Variants in COQ2 observed in about 807,000 individuals in gnomAD.
The protein encoded by COQ2 is 4-hydroxybenzoate polyprenyltransferase, mitochondrial.
A neutral mutation model predicts 35.7 loss-of-function variants in COQ2; 25 were observed. That is an observed-to-expected ratio of 0.70 (90% CI 0.51 to 0.98). The LOEUF is 0.98. COQ2 is among the 50% of genes least tolerant of loss of function. The pLI, the probability that COQ2 is intolerant of heterozygous loss-of-function variation, is 0.00. For synonymous variants in COQ2, 206 were observed against 186.2 expected, an observed-to-expected ratio of 1.11 and a Z score of -0.86; for missense variants, 488 against 473.5, an observed-to-expected ratio of 1.03 and a Z score of -0.28.
chr4:83,272,012 C>T, intron 4 of COQ2, 75 bp downstream of exon 4: 1 of 918,130 alleles, frequency 1.1e-6, no homozygotes, highest in Non-Finnish European at 1.7e-6. Flanking sequence ...TTCATCTTTA[C>T]CTATTTACCT....
intron 6 of COQ2, among the ~76,000 whole-genome samples, chr4:83,264,855 CT>C (rs1734873819): frequency 6.6e-6 from 1 of 152,206 alleles, no homozygotes. Context: ...GTTTTAGCGT[CT>C]GCAGCAAAGT....
At chr4:83,273,293 A>AT (rs921672093) in intron 3 of COQ2, among the ~76,000 whole-genome samples, 7 of 152,260 alleles carry the variant, frequency 4.6e-5, no homozygotes, top group Admixed American at 6.5e-5. Context: ...AACAAATTAA[A>AT]TGTTCATTTC....
chr4:83,282,561 G>T, intron 1 of COQ2: 1 of 922,870 alleles, frequency 1.1e-6, no homozygotes, highest in Non-Finnish European at 1.3e-6. Flanking sequence ...ATGCAGGCTG[G>T]TATCTTCCAA....
chr4:83,278,800 C>T, intron 2 of COQ2, 148 bp downstream of exon 2: 4 of 881,550 alleles, frequency 4.5e-6, no homozygotes, highest in Non-Finnish European at 6.4e-6. Context: ...GCAATACCAG[C>T]TATTCAACTG....
chr4:83,268,264 T>A (rs573217252), intron 5 of COQ2, among the ~76,000 whole-genome samples: 1 of 152,336 alleles, frequency 6.6e-6, no homozygotes, highest in South Asian at 2.1e-4. Flanking sequence ...CATCCACTCA[T>A]TTCCCACTTC....
chr4:83,273,980 C>CA (rs967781699), intron 2 of COQ2, among the ~76,000 whole-genome samples: 9,461 of 29,026 alleles, frequency 0.33, 1,492 homozygotes, highest in Non-Finnish European at 0.45. Context: ...GCTGTCTCTA[C>CA]AAAAAAAAAA....
chr4:83,274,797 G>A (rs1194844020), intron 2 of COQ2, among the ~76,000 whole-genome samples: 1 of 152,056 alleles, frequency 6.6e-6, no homozygotes, highest in African/African-American at 2.4e-5. Flanking sequence ...GTTTTTCCAA[G>A]ACTCATGAAA....
rs774470336 is a variant in COQ2 at position 83,273,585 on chromosome 4, A to G, written c.453T>C (p.Ala151=). 2.4e-5 allele frequency: 39 copies of G among 1,613,686 alleles called. No individual in the cohort carries two copies. Among genetic ancestry groups the G allele is most frequent in the Non-Finnish European group, 3.1e-5 (37 of 1,179,796 alleles). Residue 151 remains alanine (A), a synonymous_variant, in exon 3 of 7, where the codon GCT becomes GCC. Coordinates refer to ENST00000647002, the MANE Select transcript of COQ2 (RefSeq NM_001358921.2). ...VTRTANRPIA[A]GDISTFQSFV... ...AGGACTGAAAAGTTGAAATGTCTCC[A>G]GCGGCTATTGGACGATTGGCTGTTC...
chr4:83,283,925 C>T, intron 1 of COQ2: 1 of 985,404 alleles, frequency 1.0e-6, no homozygotes, highest in Non-Finnish European at 1.2e-6. Flanking sequence ...AAGCGCTGTC[C>T]CTGCTGCGTT....
intron 6 of COQ2, 53 bp downstream of exon 6, chr4:83,267,533 T>G: frequency 6.8e-7 from 1 of 1,469,442 alleles, no homozygotes; most frequent in Non-Finnish European, 9.1e-7. Flanking sequence ...TTTAAATAAT[T>G]TTTATAATTT....
upstream of COQ2, chr4:83,284,804 T>G (rs1735430855): frequency 2.5e-6 from 4 of 1,569,820 alleles, no homozygotes; most frequent in African/African-American, 5.4e-5. Flanking sequence ...TTGACGTCAT[T>G]CCCCGGCAGG....
At chr4:83,283,750 A>G (rs1405991032) in intron 1 of COQ2, 1 of 985,334 alleles carries the variant, frequency 1.0e-6, no homozygotes, top group Non-Finnish European at 1.2e-6. Context: ...ACACTACTGG[A>G]GAAGCCAATC....
Position 83,267,574 on chromosome 4 carries a change from A to G in COQ2, c.951+12T>C, listed in dbSNP as rs1297229382. 2 of 1,539,898 alleles carry G rather than the reference A, an allele frequency of 1.3e-6. No homozygotes were observed. Among genetic ancestry groups the G allele is most frequent in the Non-Finnish European group, 1.7e-6 (2 of 1,151,250 alleles). ...AAGGAAATATGAGGGACAAATAAGAAAAAGGTCAAACCTGGTGAGTCAGAT... is the reference window on the plus strand; with the variant it reads ...AAGGAAATATGAGGGACAAATAAGAGAAAGGTCAAACCTGGTGAGTCAGAT... On this transcript the variant is annotated intron_variant, in intron 6 of 6. Coordinates refer to ENST00000647002, the MANE Select transcript of COQ2 (RefSeq NM_001358921.2).
chr4:83,281,671 T>C (rs1368633113), intron 1 of COQ2: 1 of 152,150 alleles, frequency 6.6e-6, no homozygotes, highest in Admixed American at 6.5e-5. Flanking sequence ...AACAGATACA[T>C]GGCACTTACT....
chr4:83,268,415 TG>T lies in COQ2; in HGVS notation c.763-642del, dbSNP rs1462634760. On this transcript the variant is annotated intron_variant, in intron 5 of 6. Coordinates refer to ENST00000647002, the MANE Select transcript of COQ2 (RefSeq NM_001358921.2). ...CTCCATATACTGTTGTAAATAATGATGGTCACGTAGTATCAGTGGCTGTATG... is the reference window on the plus strand; with the variant it reads ...CTCCATATACTGTTGTAAATAATGATGTCACGTAGTATCAGTGGCTGTATG... 5.3e-5 allele frequency among the ~76,000 whole-genome samples: 8 copies of T among 152,318 alleles called. No individual in the cohort carries two copies. The South Asian group carries it at 1.2e-3, about 24-fold the overall frequency.
intron 5 of COQ2, among the ~76,000 whole-genome samples, chr4:83,269,528 T>TTA (rs1309185080): frequency 7.9e-5 from 12 of 152,342 alleles, no homozygotes; most frequent in Admixed American, 3.3e-4. Flanking sequence ...ATGAGGATAA[T>TTA]GTAAGTACTT....
In COQ2 at chr4:83,279,092, T is replaced by C. The variant is rs778926946; in HGVS notation, c.276A>G (p.Pro92=). 3.2e-6 allele frequency: 5 copies of C among 1,578,582 alleles called. No individual in the cohort carries two copies. Among genetic ancestry groups the C allele is most frequent in the Non-Finnish European group, 4.3e-6 (5 of 1,164,142 alleles). ...CTGCCAAACCAATGCTCCAGGTACA[T>C]GGTAAATACAGAAGCCAGGTTCCTA... is the stretch of plus-strand genomic sequence containing the variant. ...KPIGTWLLYL[P]CTWSIGLAAE... The change falls in exon 2 of 7, where the codon CCA becomes CCG. Residue 92 remains proline, a synonymous_variant. Transcript: ENST00000647002.
intron 1 of COQ2, among the ~76,000 whole-genome samples, chr4:83,283,003 A>G (rs1735361894): frequency 6.6e-6 from 1 of 152,242 alleles, no homozygotes; most frequent in Non-Finnish European, 1.5e-5. Context: ...AATTACAGCC[A>G]GGCTTCAGAT....
At chr4:83,278,529 T>C (rs549526898) in intron 2 of COQ2, among the ~76,000 whole-genome samples, 7 of 152,370 alleles carry the variant, frequency 4.6e-5, no homozygotes, top group Non-Finnish European at 8.8e-5. Flanking sequence ...GAAACAATTA[T>C]AGGAAACACT....
Sources: gnomAD v4.1 joint callset for allele counts (sites outside exome capture counted in the v4.1 genomes callset) on GRCh38, gnomAD v4.1.1 for gene constraint, MANE v1.5 for transcripts, NCBI Gene and HGNC (gene_info 2026-07-23, HGNC 2026-07-21) for gene names.